Variants in ERBIN observed in about 807,000 individuals in gnomAD.
The protein encoded by ERBIN is densin-180-like protein.
A neutral mutation model predicts 158.4 loss-of-function variants in ERBIN; 60 were observed. The observed-to-expected ratio is 0.38, with a 90% CI of 0.31 to 0.47. The LOEUF is 0.47. Among genes scored for constraint, ERBIN ranks in the 20% least tolerant of loss-of-function variants. The pLI is 0.99. For synonymous variants in ERBIN, 594 were observed against 557.2 expected (o/e 1.07, Z -0.93); for missense variants, 1,610 against 1,648.0 (o/e 0.98, Z 0.40).
chr5:66,046,222 G>A, intron 17 of ERBIN, 131 bp from the exon 18 acceptor site: 1 of 478,400 alleles, frequency 2.1e-6, no homozygotes, highest in Admixed American at 3.7e-5. Context: ...AGGTTTCTAT[G>A]TTTAAAGTTT....
intron 1 of ERBIN, among the ~76,000 whole-genome samples, chr5:65,984,197 T>A (rs1433814663): frequency 6.6e-6 from 1 of 152,160 alleles, no homozygotes; most frequent in Non-Finnish European, 1.5e-5. Flanking sequence ...CTTTGTGTAC[T>A]TGCTATTCCG....
At chr5:66,072,406 CT>C in intron 22 of ERBIN, 115 bp downstream of exon 22, 1 of 1,014,652 alleles carries the variant, frequency 9.9e-7, no homozygotes, top group Non-Finnish European at 1.4e-6. Context: ...GCTTTCCCCC[CT>C]TTATTAGTAA....
At chr5:65,951,042 C>A (rs76290637) in intron 1 of ERBIN, among the ~76,000 whole-genome samples, 2 of 152,272 alleles carry the variant, frequency 1.3e-5, no homozygotes, top group East Asian at 3.9e-4. Flanking sequence ...AGGTACTGAT[C>A]ACCAATCAAG....
At chr5:65,968,103 C>T (rs139029130) in intron 1 of ERBIN, among the ~76,000 whole-genome samples, 22 of 152,168 alleles carry the variant, frequency 1.4e-4, no homozygotes, top group African/African-American at 5.1e-4. Context: ...ATTCCAATGA[C>T]GGGGAAGAGG....
intron 1 of ERBIN, among the ~76,000 whole-genome samples, chr5:65,975,392 G>T (rs372650486): frequency 6.6e-6 from 1 of 152,098 alleles, no homozygotes; most frequent in Admixed American, 6.5e-5. Context: ...TGTAACCTCC[G>T]CCTCCCAGGT....
At chr5:65,932,927 ACTATAGG>A (rs1198078166) in intron 1 of ERBIN, among the ~76,000 whole-genome samples, 5 of 152,054 alleles carry the variant, frequency 3.3e-5, no homozygotes, top group Admixed American at 2.6e-4. Context: ...TTCAGCCGAG[ACTATAGG>A]CATGCACCAC....
In ERBIN at chr5:66,054,133, G is replaced by C. The variant is rs1759340263; in HGVS notation, c.2815G>C (p.Gly939Arg). 5 of 1,614,096 alleles carry C rather than the reference G, an allele frequency of 3.1e-6. No homozygotes were observed. The East Asian group carries it at 8.9e-5, about 29-fold the overall frequency. Reference sequence around the variant, plus strand: ...TTCCTCATCTTCTGATTTAATATCAGGAACAAAGGCAATTTTCAAGTTTGA... The same window carrying C: ...TTCCTCATCTTCTGATTTAATATCACGAACAAAGGCAATTTTCAAGTTTGA... ...GSSSSSDLIS[G>R]TKAIFKFDSN... Residue 939 changes from glycine (G) to arginine (R), a missense_variant, in exon 21 of 26, where the codon GGA becomes CGA. Gly to Arg is a moderately radical substitution (Grantham distance 125). This residue lies in a region of ERBIN where 1,014 missense variants were observed against 936.1 expected (regional missense o/e 1.08). Transcript: ENST00000284037.
chr5:65,947,277 T>C (rs1745884919), intron 1 of ERBIN, among the ~76,000 whole-genome samples: 2 of 152,176 alleles, frequency 1.3e-5, no homozygotes, highest in Admixed American at 6.5e-5. Flanking sequence ...TCATCCAGGC[T>C]GGAGTGCAGT....
At chr5:65,997,630 A>G (rs559206848) in intron 4 of ERBIN, among the ~76,000 whole-genome samples, 1 of 152,312 alleles carries the variant, frequency 6.6e-6, no homozygotes, top group Non-Finnish European at 1.5e-5. Flanking sequence ...GACTTTCACT[A>G]AACGCTAAAT....
Position 66,014,689 on chromosome 5 carries a change from T to G in ERBIN, c.497T>G (p.Leu166Ter), listed in dbSNP as rs1754530925. Residue 166 changes from leucine to a stop codon, truncating the protein, a stop_gained, in exon 7 of 26, where the codon TTA becomes TGA. Coordinates refer to ENST00000284037, the MANE Select transcript of ERBIN (RefSeq NM_001253697.2). LOFTEE classifies it high-confidence loss of function. Reference sequence around the variant, plus strand: ...TGCAGATTAACTAAACTCCAAATATTAGAGCTTAGAGAAAACCAGTTAAAA... The same window carrying G: ...TGCAGATTAACTAAACTCCAAATATGAGAGCTTAGAGAAAACCAGTTAAAA... ...NFGRLTKLQI[L>*]ELRENQLKML... The G allele has an allele frequency of 6.9e-7, 1 of 1,446,940 alleles. No individual in the cohort carries two copies. The highest frequency in any genetic ancestry group is 1.5e-5 in the African/African-American group (1 of 68,194). 89.6% of individuals were successfully genotyped at this position (1,446,940 alleles called of 1,614,324 possible). A position where few individuals can be genotyped will look rare whatever the true frequency, so the allele number is the denominator to read the frequency against.
intron 21 of ERBIN, among the ~76,000 whole-genome samples, chr5:66,063,676 T>C (rs576016591): frequency 2.2e-4 from 34 of 152,290 alleles, no homozygotes; most frequent in African/African-American, 7.7e-4. Context: ...TCGGCCATCT[T>C]GGCTCCTCCC....
chr5:66,018,867 C>G (rs1755363589), intron 7 of ERBIN, among the ~76,000 whole-genome samples: 1 of 151,472 alleles, frequency 6.6e-6, no homozygotes, highest in Non-Finnish European at 1.5e-5. Flanking sequence ...GATCTCCTGA[C>G]CTCATGATGC....
intron 1 of ERBIN, among the ~76,000 whole-genome samples, chr5:65,947,715 A>G (rs1336410275): frequency 6.6e-6 from 1 of 152,194 alleles, no homozygotes; most frequent in Non-Finnish European, 1.5e-5. Context: ...CTTGCATTAA[A>G]TCTTAAATAA....
At chr5:66,058,451 G>A (rs1248407371) in intron 21 of ERBIN, among the ~76,000 whole-genome samples, 18 of 151,572 alleles carry the variant, frequency 1.2e-4, no homozygotes, top group Non-Finnish European at 1.8e-4. Context: ...TGTCAGATGA[G>A]TAGGTTGCAA....
At chr5:66,062,725 A>G (rs1196364485) in intron 21 of ERBIN, among the ~76,000 whole-genome samples, 2 of 151,774 alleles carry the variant, frequency 1.3e-5, no homozygotes, top group African/African-American at 4.8e-5. Flanking sequence ...TTTGGTGTGG[A>G]TGTCCTTTCT....
chr5:65,956,312 A>G (rs1747117902), intron 1 of ERBIN, among the ~76,000 whole-genome samples: 1 of 150,300 alleles, frequency 6.7e-6, no homozygotes, highest in Admixed American at 6.6e-5. Context: ...GCATGCATTC[A>G]TTTACTTATC....
intron 1 of ERBIN, among the ~76,000 whole-genome samples, chr5:65,982,501 T>A (rs1750764831): frequency 6.6e-6 from 1 of 152,188 alleles, no homozygotes; most frequent in Non-Finnish European, 1.5e-5. Context: ...TGCCTTCCTC[T>A]CATATACAAA....
chr5:66,028,029 C>T (rs373704135), intron 13 of ERBIN, among the ~76,000 whole-genome samples: 5 of 152,086 alleles, frequency 3.3e-5, no homozygotes, highest in African/African-American at 1.2e-4. Context: ...TTCTATTATC[C>T]ATTTTCTTAC....
chr5:65,929,745 A>G (rs1350028823), intron 1 of ERBIN, among the ~76,000 whole-genome samples: 1 of 148,800 alleles, frequency 6.7e-6, no homozygotes, highest in Non-Finnish European at 1.5e-5. Context: ...GGTTCCAGCG[A>G]TTCTCCTGCT....
Sources: gnomAD v4.1 joint callset for allele counts (sites outside exome capture counted in the v4.1 genomes callset) on GRCh38, gnomAD v4.1.1 for gene constraint, gnomAD v4.1.1 regional missense constraint, MANE v1.5 for transcripts, NCBI Gene and HGNC (gene_info 2026-07-23, HGNC 2026-07-21) for gene names.